Variants in YIPF1 observed in about 807,000 individuals in gnomAD.
The protein encoded by YIPF1 is Yip1 domain family member 1.
Under a neutral mutation model 37.0 loss-of-function variants are expected in YIPF1, and 22 were observed. The ratio of observed to expected loss-of-function variants is 0.59; its 90% confidence interval spans 0.42 to 0.85. YIPF1 has a LOEUF of 0.85. Ranked by LOEUF, YIPF1 falls within the 40% of genes least tolerant of loss-of-function variation. The probability of loss-of-function intolerance (pLI) is 0.00; values close to 1 mark genes in which losing one functional copy is unlikely to be tolerated. For missense variants in YIPF1, 355 were observed against 373.1 expected (o/e 0.95, Z 0.40); for synonymous variants, 128 against 131.9 (o/e 0.97, Z 0.21).
intron 6 of YIPF1, among the ~76,000 whole-genome samples, chr1:53,876,656 A>G (rs1026851925): frequency 2.0e-5 from 3 of 152,248 alleles, no homozygotes; most frequent in Non-Finnish European, 4.4e-5. Context: ...AATTGAGCCC[A>G]GCACTTACTA....
intron 7 of YIPF1, among the ~76,000 whole-genome samples, chr1:53,868,034 T>C (rs944142321): frequency 6.6e-6 from 1 of 152,274 alleles, no homozygotes; most frequent in Non-Finnish European, 1.5e-5. Context: ...TTAATGCATC[T>C]TGGCAAGAAC....
intron 3 of YIPF1, among the ~76,000 whole-genome samples, chr1:53,887,532 A>G (rs1361754330): frequency 3.3e-5 from 5 of 152,040 alleles, no homozygotes; most frequent in African/African-American, 9.7e-5. Flanking sequence ...GGTAAAGGCT[A>G]TAATTCAGAA....
At chr1:53,878,942 C>T (rs895833465) in intron 4 of YIPF1, among the ~76,000 whole-genome samples, 1 of 152,132 alleles carries the variant, frequency 6.6e-6, no homozygotes, top group African/African-American at 2.4e-5. Context: ...GGTTCAAATC[C>T]TGGCCCCTCC....
At chr1:53,860,324 A>T (rs1649837003) in intron 9 of YIPF1, among the ~76,000 whole-genome samples, 171 bp from the exon 10 acceptor site, 1 of 152,200 alleles carries the variant, frequency 6.6e-6, no homozygotes, top group African/African-American at 2.4e-5. Flanking sequence ...TTGTCTCACT[A>T]AATTGTGCAT....
At position 53,852,216 on chromosome 1, in the gene YIPF1, T is replaced by C. The variant is rs1015563526; in HGVS notation, c.*63A>G. ...TTCTGCTGGCTCTGCTCATTCTGCT[T>C]TCCTGCAGTGGATGCCACTTCCCAA... On this transcript the variant is annotated 3_prime_UTR_variant, in exon 11 of 11. Transcript: ENST00000072644. 1 of 152,134 alleles carries C rather than the reference T, an allele frequency of 6.6e-6. No homozygotes were observed. Among genetic ancestry groups the C allele is most frequent in the African/African-American group, 2.4e-5 (1 of 41,424 alleles). The allele number at this position is 152,134 out of a possible 1,614,324, so 9.4% of individuals were successfully genotyped here.
At chr1:53,872,570 T>C (rs1244243617) in intron 6 of YIPF1, among the ~76,000 whole-genome samples, 3 of 152,258 alleles carry the variant, frequency 2.0e-5, no homozygotes, top group Admixed American at 6.5e-5. Flanking sequence ...GAACAAATAC[T>C]ATCTTTAGAT....
intron 7 of YIPF1, among the ~76,000 whole-genome samples, chr1:53,869,621 C>A (rs1650123898): frequency 6.6e-6 from 1 of 152,206 alleles, no homozygotes; most frequent in Non-Finnish European, 1.5e-5. Flanking sequence ...GCAGAGCAGG[C>A]AGGGAGAGAG....
At chr1:53,885,631 G>T (rs1650629313) in intron 3 of YIPF1, among the ~76,000 whole-genome samples, 1 of 151,646 alleles carries the variant, frequency 6.6e-6, no homozygotes, top group South Asian at 2.1e-4. Context: ...GACCAGGCTG[G>T]CCAACATGGT....
intron 3 of YIPF1, among the ~76,000 whole-genome samples, chr1:53,888,374 T>G (rs966367838): frequency 6.6e-6 from 1 of 152,216 alleles, no homozygotes; most frequent in Non-Finnish European, 1.5e-5. Context: ...AATAAATACA[T>G]GTCCCCCTCA....
chr1:53,866,080 G>T, intron 9 of YIPF1, 120 bp downstream of exon 9: 1 of 1,293,854 alleles, frequency 7.7e-7, no homozygotes, highest in Non-Finnish European at 1.1e-6. Flanking sequence ...GATTATGGGT[G>T]TGAGCCAACA....
At chr1:53,875,343 T>C (rs1324637295) in intron 6 of YIPF1, among the ~76,000 whole-genome samples, 1 of 152,042 alleles carries the variant, frequency 6.6e-6, no homozygotes, top group African/African-American at 2.4e-5. Flanking sequence ...AGTGAGACCC[T>C]GTCTCTACAA....
chr1:53,885,830 A>T (rs1050853987), intron 3 of YIPF1, among the ~76,000 whole-genome samples: 49 of 151,562 alleles, frequency 3.2e-4, no homozygotes, highest in Non-Finnish European at 5.6e-4. Context: ...AAAAAAAAAA[A>T]AAAAAAAAGA....
chr1:53,878,184 A>T, intron 6 of YIPF1, 131 bp downstream of exon 6: 1 of 826,358 alleles, frequency 1.2e-6, no homozygotes, highest in Non-Finnish European at 2.0e-6. Flanking sequence ...AAGGGTTGCT[A>T]CTGAAGTTCA....
chr1:53,873,827 C>T (rs1650259539), intron 6 of YIPF1, among the ~76,000 whole-genome samples: 1 of 152,056 alleles, frequency 6.6e-6, no homozygotes, highest in African/African-American at 2.4e-5. Flanking sequence ...AACCCTTTCA[C>T]TAAAATATTA....
chr1:53,886,707 AG>A (rs1650663161), intron 3 of YIPF1: 1 of 151,892 alleles, frequency 6.6e-6, no homozygotes, highest in Admixed American at 6.6e-5. Flanking sequence ...CTGGAACACA[AG>A]TGTTCTCCCA....
chr1:53,853,339 C>T (rs1006543492), intron 10 of YIPF1, among the ~76,000 whole-genome samples: 1 of 152,122 alleles, frequency 6.6e-6, no homozygotes, highest in Non-Finnish European at 1.5e-5. Context: ...AATGATGGTG[C>T]CATTCCCTGA....
chr1:53,885,864 G>A (rs1466734574), intron 3 of YIPF1, among the ~76,000 whole-genome samples: 1 of 149,764 alleles, frequency 6.7e-6, no homozygotes, highest in Non-Finnish European at 1.5e-5. Context: ...TAATTGGATT[G>A]TTTGTAATAC....
chr1:53,861,558 G>A (rs1443628894), intron 9 of YIPF1, among the ~76,000 whole-genome samples: 1 of 151,340 alleles, frequency 6.6e-6, no homozygotes, highest in Non-Finnish European at 1.5e-5. Context: ...GGGCTGGTGT[G>A]GTGACTCAAG....
intron 6 of YIPF1, among the ~76,000 whole-genome samples, chr1:53,877,682 G>A (rs1225528828): frequency 6.6e-6 from 1 of 152,132 alleles, no homozygotes; most frequent in Non-Finnish European, 1.5e-5. Context: ...GGCAGAGCTG[G>A]AACTCAGCAT....
Sources: gnomAD v4.1 joint callset for allele counts (sites outside exome capture counted in the v4.1 genomes callset) on GRCh38, gnomAD v4.1.1 for gene constraint, MANE v1.5 for transcripts, NCBI Gene and HGNC (gene_info 2026-07-23, HGNC 2026-07-21) for gene names.